FBN1: variants seen among roughly 807,000 people sequenced by gnomAD.
FBN1 encodes the protein fibrillin 1, also known as fibrillin-1.
In FBN1, 29 loss-of-function variants were observed where a neutral mutation model predicts 365.1. That is an observed-to-expected ratio of 0.08 (90% CI 0.06 to 0.11). FBN1 has a LOEUF of 0.11. FBN1 is among the 10% of genes least tolerant of loss of function. The probability of loss-of-function intolerance (pLI) is 1.00; values close to 1 mark genes in which losing one functional copy is unlikely to be tolerated. For synonymous variants in FBN1, 1,210 were observed against 1,270.5 expected (o/e 0.95, Z 1.01); for missense variants, 2,476 against 3,703.2 (o/e 0.67, Z 8.60).
chr15:48,510,466 T>C (rs899707693), intron 13 of FBN1, among the ~76,000 whole-genome samples: 4 of 152,208 alleles, frequency 2.6e-5, no homozygotes, highest in African/African-American at 7.2e-5. Context: ...TCCAAGCACA[T>C]CTATTTAACC....
At chr15:48,489,503 C>T (rs756940157) in intron 25 of FBN1, among the ~76,000 whole-genome samples, 19 of 152,090 alleles carry the variant, frequency 1.2e-4, no homozygotes, top group Non-Finnish European at 2.4e-4. Context: ...TAAGACAGAA[C>T]TGGGAGATTA....
intron 15 of FBN1, among the ~76,000 whole-genome samples, chr15:48,506,919 G>A (rs1438267390): frequency 6.7e-6 from 1 of 149,522 alleles, no homozygotes; most frequent in Non-Finnish European, 1.5e-5. Context: ...GAGCTGTGGA[G>A]CTCTCTCTCT....
rs2141240830 is a variant in FBN1, at chr15:48,437,326, T to C, written c.6375A>G (p.Ala2125=). ...AATCCAGCACAGGCAACTGACCAAC[T>C]GCTGAATCATCAGGTCCCACGATGA... is the stretch of plus-strand genomic sequence containing the variant. ...SGIIVGPDDS[A]VDMDECKEPD... The change falls in exon 52 of 66, where the codon GCA becomes GCG. Residue 2125 remains alanine, a synonymous_variant. Transcript: ENST00000316623. The C allele has an allele frequency of 6.2e-7, 1 of 1,613,324 alleles. No homozygotes were observed. The highest frequency in any genetic ancestry group is 8.5e-7 in the Non-Finnish European group (1 of 1,179,440).
chr15:48,427,881 C>T (rs918365991), intron 57 of FBN1, 108 bp from the exon 58 acceptor site: 2 of 950,608 alleles, frequency 2.1e-6, no homozygotes, highest in East Asian at 2.6e-5. Flanking sequence ...TAACACTTTA[C>T]CCTGGGTGAG....
chr15:48,411,105 G>A lies in FBN1; in HGVS notation c.8501C>T (p.Thr2834Ile), dbSNP rs2042857660. The stretch of plus-strand genomic sequence containing the variant: ...AAGTTCTTTCTTTTTATAAAGTGGA[G>A]TACTACTGATTTGTAATGAATAGGT... ...AGTYSLQISS[T>I]PLYKKKELNQ... is the part of the protein sequence containing the mutation. Residue 2834 changes from threonine to isoleucine, a missense_variant, in exon 66 of 66, where the codon ACT (threonine) becomes ATT (isoleucine). By Grantham distance (89) the Thr-to-Ile change is moderately conservative. Transcript: ENST00000316623. 1 of 1,614,080 alleles carries A rather than the reference G, an allele frequency of 6.2e-7. No homozygotes were observed. Among genetic ancestry groups the A allele is most frequent in the Non-Finnish European group, 8.5e-7 (1 of 1,180,004 alleles).
Position 48,444,615 on chromosome 15 carries a change from G to A in FBN1, c.5963C>T (p.Thr1988Ile), listed in dbSNP as rs142912485. 18 of 1,613,556 alleles carry A rather than the reference G, an allele frequency of 1.1e-5. No individual in the cohort carries two copies. In the African/African-American group the frequency reaches 2.3e-4, roughly 20 times the overall value. Reference sequence around the variant, plus strand: ...GTAGGACCCATCCAAGTTTTGACAGGTACCTGGTGCACATTTTCTGGGTTC... The same window carrying A: ...GTAGGACCCATCCAAGTTTTGACAGATACCTGGTGCACATTTTCTGGGTTC... ...LLEPRKCAPG[T>I]CQNLDGSYRC... is the part of the protein sequence containing the mutation. Residue 1988 changes from threonine (T) to isoleucine (I), a missense_variant, in exon 49 of 66, where the codon ACC (threonine) becomes ATC (isoleucine). By Grantham distance (89) the Thr-to-Ile change is moderately conservative (BLOSUM62 -1). Transcript: ENST00000316623.
At chr15:48,548,601 GT>G (rs1396697825) in intron 6 of FBN1, among the ~76,000 whole-genome samples, 2 of 152,196 alleles carry the variant, frequency 1.3e-5, no homozygotes, top group East Asian at 3.9e-4. Context: ...AGGGCACTGT[GT>G]TACTCTGTTC....
At chr15:48,471,086 T>G (rs2043371730) in intron 35 of FBN1, among the ~76,000 whole-genome samples, 2 of 152,158 alleles carry the variant, frequency 1.3e-5, no homozygotes, top group African/African-American at 4.8e-5. Flanking sequence ...AATTCGTTTT[T>G]TTTTTTTAAT....
In FBN1 at chr15:48,469,076, A is replaced by AAATATATATATATATAT. The variant is rs1597549645; in HGVS notation, c.4460-543_4460-542insATATATATATATATATT. On this transcript the variant is annotated intron_variant, in intron 36 of 65. Transcript: ENST00000316623. ...GAGCGAGACTCCGTCTCAAAAAAAAAAAAATATATATATATATAAAATATA... is the reference window on the plus strand; with the variant it reads ...GAGCGAGACTCCGTCTCAAAAAAAAAAATATATATATATATATAAAATATATATATATATAAAATATA... Among the ~76,000 whole-genome samples, 74 of 109,748 alleles carry AAATATATATATATATAT rather than the reference A, an allele frequency of 6.7e-4. 1 individual carries two copies. The East Asian group carries it at 0.031, about 46-fold the overall frequency. 72.0% of individuals were successfully genotyped at this position (109,748 alleles called of 152,430 possible).
chr15:48,470,522 C>T, intron 36 of FBN1, 112 bp downstream of exon 36: 1 of 1,403,170 alleles, frequency 7.1e-7, no homozygotes, highest in Admixed American at 1.7e-5. Context: ...TAATACTTCC[C>T]CCTTGCTTTT....
At chr15:48,618,241 TA>T (rs1299796541) in intron 2 of FBN1, among the ~76,000 whole-genome samples, 1 of 152,194 alleles carries the variant, frequency 6.6e-6, no homozygotes, top group South Asian at 2.1e-4. Context: ...ACTTCCACTA[TA>T]AAAAATGTGA....
At chr15:48,415,034 T>C (rs2042890908) in intron 64 of FBN1, among the ~76,000 whole-genome samples, 1 of 152,214 alleles carries the variant, frequency 6.6e-6, no homozygotes, top group African/African-American at 2.4e-5. Context: ...TAAAATTTAA[T>C]GTAAATTCAA....
At position 48,497,327 on chromosome 15, in the gene FBN1, C is replaced by G. The variant is rs762745991; in HGVS notation, c.2232G>C (p.Gly744=). Residue 744 remains glycine, a synonymous_variant, in exon 19 of 66, where the codon GGG becomes GGC. Coordinates refer to ENST00000316623, the MANE Select transcript of FBN1 (RefSeq NM_000138.5). ...CPNGICENLR[G]TYKCICNSGY... is the part of the protein sequence containing the mutation. ...CTGAATTGCATATACATTTATAGGT[C>G]CCACGAAGGTTTTCACAGATTCCAT... 2.2e-5 allele frequency: 35 copies of G among 1,613,656 alleles called. No homozygotes were observed. The highest frequency in any genetic ancestry group is 2.0e-4 in the Admixed American group (12 of 59,996).
At chr15:48,513,517 C>T in intron 13 of FBN1, 32 bp downstream of exon 13, 1 of 1,613,806 alleles carries the variant, frequency 6.2e-7, no homozygotes, top group Non-Finnish European at 8.5e-7. Context: ...GCATATATGT[C>T]CCACATTCCA....
intron 2 of FBN1, among the ~76,000 whole-genome samples, chr15:48,627,961 A>G (rs1219882671): frequency 6.6e-6 from 1 of 152,182 alleles, no homozygotes. Context: ...AAATACATCC[A>G]CCTCGCATAC....
chr15:48,545,685 GTTAAAATGGTAAATT>G lies in FBN1; in HGVS notation c.539-7892_539-7878del, dbSNP rs150447539. 6.5e-3 allele frequency among the ~76,000 whole-genome samples: 982 copies of G among 152,222 alleles called. 9 individuals carry two copies. Among genetic ancestry groups the G allele is most frequent in the African/African-American group, 0.022 (931 of 41,540 alleles). On this transcript the variant is annotated intron_variant, in intron 6 of 65. Transcript: ENST00000316623. ...CCACCAAACTGTACACAAAGAAGTG[GTTAAAATGGTAAATT>G]TTATCTTATGTATACTTTAACACAA...
At position 48,462,931 on chromosome 15, in the gene FBN1, G is replaced by T; in HGVS notation, c.5224+151C>A. The T allele has an allele frequency of 3.9e-6, 3 of 771,588 alleles. No individual in the cohort carries two copies. In the South Asian group the frequency reaches 4.7e-5, roughly 12 times the overall value. 47.8% of individuals were successfully genotyped at this position (771,588 alleles called of 1,614,324 possible). ...ACTCAGTGTTCGGCTGGAATGACCA[G>T]CACCAACTGTGAATTTAAATCATGA... On this transcript the variant is annotated intron_variant, in intron 42 of 65. Coordinates refer to ENST00000316623, the MANE Select transcript of FBN1 (RefSeq NM_000138.5).
intron 8 of FBN1, among the ~76,000 whole-genome samples, chr15:48,533,077 T>C (rs191256075): frequency 6.6e-6 from 1 of 152,320 alleles, no homozygotes; most frequent in Admixed American, 6.5e-5. Flanking sequence ...TGTCTTTTGC[T>C]CATCTGATAT....
chr15:48,624,219 G>T (rs988236078), intron 2 of FBN1, among the ~76,000 whole-genome samples: 2 of 152,180 alleles, frequency 1.3e-5, no homozygotes, highest in African/African-American at 4.8e-5. Context: ...GATGTTTAAA[G>T]TACATCATGT....
Sources: allele counts gnomAD v4.1 joint callset (sites outside exome capture counted in the v4.1 genomes callset), GRCh38; gene constraint gnomAD v4.1.1; transcripts MANE v1.5; gene names NCBI Gene and HGNC (gene_info 2026-07-23, HGNC 2026-07-21).